Variants in RANBP2 observed in about 807,000 individuals in gnomAD.
RANBP2 encodes the protein RAN binding protein 2.
A neutral mutation model predicts 303.6 loss-of-function variants in RANBP2; 57 were observed. The ratio of observed to expected loss-of-function variants is 0.19; its 90% CI spans 0.15 to 0.23. RANBP2 has a LOEUF of 0.23. Among genes scored for constraint, RANBP2 ranks in the 10% least tolerant of loss-of-function variants. The pLI is 1.00. For synonymous variants in RANBP2, 1,167 were observed against 1,301.5 expected (o/e 0.90, Z 2.23); for missense variants, 3,138 against 3,780.8 (o/e 0.83, Z 4.46).
chr2:109,627,660 G>T, the RANBP2 span, among the ~76,000 whole-genome samples: 2 of 152,214 alleles, frequency 1.3e-5, no homozygotes, highest in East Asian at 3.8e-4. Flanking sequence ...TCCCTGCGAG[G>T]CATGATCTTC....
At chr2:108,823,007 A>G in the RANBP2 span, among the ~76,000 whole-genome samples, 16 of 152,356 alleles carry the variant, frequency 1.1e-4, no homozygotes, top group South Asian at 2.3e-3. Flanking sequence ...TTATAAGACA[A>G]TGTTATCAAC....
At chr2:108,858,672 A>G in the RANBP2 span, among the ~76,000 whole-genome samples, 1 of 151,306 alleles carries the variant, frequency 6.6e-6, no homozygotes, top group Non-Finnish European at 1.5e-5. Flanking sequence ...ATTTTACCAT[A>G]TATTTAATTT....
the RANBP2 span, among the ~76,000 whole-genome samples, chr2:109,353,176 C>T: frequency 1.3e-5 from 2 of 152,244 alleles, no homozygotes; most frequent in South Asian, 4.1e-4. Context: ...CCAGTCCTTG[C>T]TCCCTCAAGG....
At chr2:109,219,295 C>T in the RANBP2 span, among the ~76,000 whole-genome samples, 3 of 127,718 alleles carry the variant, frequency 2.3e-5, no homozygotes, top group African/African-American at 9.4e-5. Flanking sequence ...ATTTCCAAAA[C>T]ATTTTGTGTA....
chr2:109,037,729 C>T, the RANBP2 span, among the ~76,000 whole-genome samples: 2 of 152,140 alleles, frequency 1.3e-5, no homozygotes, highest in Non-Finnish European at 2.9e-5. Context: ...AAATTATATA[C>T]TTGGGCATGA....
the RANBP2 span, chr2:109,613,955 G>T: frequency 1.7e-6 from 2 of 1,207,778 alleles, no homozygotes; most frequent in African/African-American, 1.6e-5. Context: ...CTGCCTCCGC[G>T]ACGGGGAAGG....
the RANBP2 span, among the ~76,000 whole-genome samples, chr2:109,444,253 C>T: frequency 3.3e-5 from 5 of 152,178 alleles, no homozygotes; most frequent in Admixed American, 6.5e-5. Flanking sequence ...GATTTAGAGA[C>T]TTCTTAAAAA....
the RANBP2 span, among the ~76,000 whole-genome samples, chr2:108,991,005 G>A: frequency 6.6e-6 from 1 of 152,046 alleles, no homozygotes; most frequent in South Asian, 2.1e-4. Context: ...TTTTCTATTG[G>A]AAATTAAGTG....
chr2:109,024,653 A>G, the RANBP2 span, among the ~76,000 whole-genome samples: 1 of 152,116 alleles, frequency 6.6e-6, no homozygotes, highest in African/African-American at 2.4e-5. Context: ...CAGGGTGTCC[A>G]CTTCATCCTA....
chr2:109,088,592 A>C, the RANBP2 span, among the ~76,000 whole-genome samples: 1 of 151,918 alleles, frequency 6.6e-6, no homozygotes, highest in African/African-American at 2.4e-5. Flanking sequence ...GGCTCACTGC[A>C]ATCTCCGGGG....
chr2:109,127,233 G>A, the RANBP2 span: 1 of 152,236 alleles, frequency 6.6e-6, no homozygotes. Flanking sequence ...CACAGGATAT[G>A]TGTAATTGAG....
intron 9 of RANBP2, among the ~76,000 whole-genome samples, chr2:108,750,445 A>G (rs1675784252): frequency 6.6e-6 from 1 of 152,258 alleles, no homozygotes; most frequent in Non-Finnish European, 1.5e-5. Flanking sequence ...TTATTTCCAT[A>G]GAGATACCTA....
At chr2:108,920,894 G>C in the RANBP2 span, among the ~76,000 whole-genome samples, 1 of 152,156 alleles carries the variant, frequency 6.6e-6, no homozygotes, top group Non-Finnish European at 1.5e-5. Context: ...GAGCTGCCCG[G>C]GGCAGGAGAG....
At chr2:109,212,128 G>A in the RANBP2 span, among the ~76,000 whole-genome samples, 2 of 152,198 alleles carry the variant, frequency 1.3e-5, no homozygotes, top group African/African-American at 4.8e-5. Flanking sequence ...GCAATGGTCC[G>A]AATCGAGCCT....
the RANBP2 span, chr2:109,613,869 G>C: frequency 8.1e-7 from 1 of 1,230,844 alleles, no homozygotes; most frequent in Non-Finnish European, 1.0e-6. Context: ...TATCAGCCCG[G>C]CCCCGAGCGG....
chr2:109,087,844 C>T, the RANBP2 span, among the ~76,000 whole-genome samples: 4 of 152,184 alleles, frequency 2.6e-5, no homozygotes, highest in Non-Finnish European at 4.4e-5. Flanking sequence ...AGGTTGATTT[C>T]ATGGCTCAGC....
the RANBP2 span, among the ~76,000 whole-genome samples, chr2:109,442,321 A>G: frequency 1.3e-5 from 2 of 151,980 alleles, no homozygotes; most frequent in Non-Finnish European, 1.5e-5. Context: ...AAAAAAAAAA[A>G]AAAAAGAAAA....
chr2:109,583,388 C>T, the RANBP2 span, among the ~76,000 whole-genome samples: 1 of 152,102 alleles, frequency 6.6e-6, no homozygotes, highest in Non-Finnish European at 1.5e-5. Context: ...CATGACAAAA[C>T]GCTCAACATA....
the RANBP2 span, among the ~76,000 whole-genome samples, chr2:109,412,426 G>A: frequency 2.0e-5 from 3 of 152,232 alleles, no homozygotes; most frequent in African/African-American, 7.2e-5. Flanking sequence ...CAGCTTGGCT[G>A]TTTCTGGAGC....
Sources: allele counts gnomAD v4.1 joint callset (sites outside exome capture counted in the v4.1 genomes callset), GRCh38; gene constraint gnomAD v4.1.1; transcripts MANE v1.5; gene names NCBI Gene and HGNC (gene_info 2026-07-23, HGNC 2026-07-21).